METAP1D: variants seen among roughly 807,000 people sequenced by gnomAD.
METAP1D encodes the protein methionyl aminopeptidase type 1D, mitochondrial.
A neutral mutation model predicts 40.5 loss-of-function variants in METAP1D; 31 were observed. The ratio of observed to expected loss-of-function variants is 0.77; its 90% CI spans 0.58 to 1.03. The LOEUF is 1.03. Among genes scored for constraint, METAP1D ranks in the 50% least tolerant of loss-of-function variants. The probability of loss-of-function intolerance (pLI) is 0.00; values close to 1 mark genes in which losing one functional copy is unlikely to be tolerated. For synonymous variants in METAP1D, 151 were observed against 146.4 expected (o/e 1.03, Z -0.22); for missense variants, 411 against 420.7 (o/e 0.98, Z 0.20).
chr2:172,045,846 T>A (rs1476592541), intron 1 of METAP1D, among the ~76,000 whole-genome samples: 4 of 109,086 alleles, frequency 3.7e-5, no homozygotes, highest in Admixed American at 9.5e-5. Context: ...TATATATATA[T>A]ATATATATAT....
intron 1 of METAP1D, among the ~76,000 whole-genome samples, chr2:172,008,968 G>A (rs1688650584): frequency 6.6e-6 from 1 of 152,198 alleles, no homozygotes; most frequent in East Asian, 1.9e-4. Flanking sequence ...GAGCAGAATG[G>A]AGTGGGCCAG....
At position 172,081,236 on chromosome 2, in the gene METAP1D, C is replaced by G. The variant is rs752212273; in HGVS notation, c.*830C>G. ...TGCACTAGGAATTCGAGCTTGGGCC[C>G]CACTCGCCCAGGTGTGAACAGTGGC... On this transcript the variant is annotated 3_prime_UTR_variant, in exon 10 of 10. Transcript: ENST00000315796. The G allele has an allele frequency of 1.3e-5, 2 of 152,128 alleles. No homozygotes were observed. Among genetic ancestry groups the G allele is most frequent in the African/African-American group, 2.4e-5 (1 of 41,352 alleles). The allele number at this position is 152,128 out of a possible 1,614,324, so 9.4% of individuals were successfully genotyped here.
chr2:172,066,072 C>T (rs965125929), intron 4 of METAP1D, among the ~76,000 whole-genome samples, 192 bp from the exon 5 acceptor site: 1 of 152,044 alleles, frequency 6.6e-6, no homozygotes, highest in Non-Finnish European at 1.5e-5. Context: ...TGGTTCTTGG[C>T]AAAATTAAGG....
intron 2 of METAP1D, 36 bp downstream of exon 2, chr2:172,061,691 C>G: frequency 6.5e-7 from 1 of 1,530,284 alleles, no homozygotes; most frequent in Non-Finnish European, 8.8e-7. Context: ...CTTTTTCCAG[C>G]CAAGATAAAA....
intron 1 of METAP1D, among the ~76,000 whole-genome samples, chr2:172,057,024 A>C (rs1435411327): frequency 6.6e-6 from 1 of 152,244 alleles, no homozygotes; most frequent in African/African-American, 2.4e-5. Context: ...GTAACAAAAC[A>C]CACTAGCGAA....
intron 1 of METAP1D, among the ~76,000 whole-genome samples, chr2:172,020,999 G>T (rs1333476164): frequency 1.3e-5 from 2 of 151,906 alleles, no homozygotes; most frequent in Non-Finnish European, 2.9e-5. Context: ...AAAGTAAATT[G>T]TGTTTATATA....
intron 1 of METAP1D, among the ~76,000 whole-genome samples, chr2:172,027,739 G>T (rs1431083562): frequency 6.6e-6 from 1 of 152,204 alleles, no homozygotes; most frequent in Non-Finnish European, 1.5e-5. Flanking sequence ...TGTCGTTTGT[G>T]CTAAAGTTTG....
At chr2:172,063,068 C>T (rs1178946678) in intron 2 of METAP1D, among the ~76,000 whole-genome samples, 2 of 152,082 alleles carry the variant, frequency 1.3e-5, no homozygotes, top group Non-Finnish European at 2.9e-5. Context: ...CAGGGTTGCA[C>T]GTCTTGAGTT....
intron 1 of METAP1D, among the ~76,000 whole-genome samples, chr2:172,054,242 C>T (rs1689949203): frequency 6.6e-6 from 1 of 152,158 alleles, no homozygotes; most frequent in African/African-American, 2.4e-5. Context: ...TTCCTCCTGG[C>T]CAGGCACGGT....
chr2:172,036,034 A>G (rs1689367480), intron 1 of METAP1D, among the ~76,000 whole-genome samples: 1 of 151,948 alleles, frequency 6.6e-6, no homozygotes, highest in South Asian at 2.1e-4. Context: ...TTAAGAATTT[A>G]TGGCTGGGCA....
rs1329770059 is a variant in METAP1D, at chr2:172,021,502, A to G, written c.40+21493A>G. Among the ~76,000 whole-genome samples the G allele has an allele frequency of 2.6e-5, 4 of 152,202 alleles. No homozygotes were observed. The East Asian group carries it at 7.7e-4, about 29-fold the overall frequency. ...AAACTGATTTTCAAAGTCCCACCAA[A>G]CAGTAAAAGACTTTTCTTGCATTTC... is the stretch of plus-strand genomic sequence containing the variant. On this transcript the variant is annotated intron_variant, in intron 1 of 9. Coordinates refer to ENST00000315796, the MANE Select transcript of METAP1D (RefSeq NM_199227.3).
In METAP1D at chr2:172,080,599, G is replaced by A; in HGVS notation, c.*193G>A. On this transcript the variant is annotated 3_prime_UTR_variant, in exon 10 of 10. Transcript: ENST00000315796. ...TCGGATCTGAAGCCCTGCTGGGGTC[G>A]CGCGGCTTTGGAAAAACAAATCCTG... The A allele has an allele frequency of 1.6e-6, 1 of 634,226 alleles. No homozygotes were observed. The highest frequency in any genetic ancestry group is 2.7e-6 in the Non-Finnish European group (1 of 366,072). 39.3% of individuals were successfully genotyped at this position (634,226 alleles called of 1,614,324 possible).
Sources: gnomAD v4.1 joint callset for allele counts (sites outside exome capture counted in the v4.1 genomes callset) on GRCh38, gnomAD v4.1.1 for gene constraint, MANE v1.5 for transcripts, NCBI Gene and HGNC (gene_info 2026-07-23, HGNC 2026-07-21) for gene names.